GPHN: variants seen among roughly 807,000 people sequenced by gnomAD.
The protein encoded by GPHN is gephyrin.
In GPHN, 17 loss-of-function variants were observed where a neutral mutation model predicts 95.5. That is an observed-to-expected ratio of 0.18 (90% CI 0.12 to 0.27). The LOEUF is 0.27. Among genes scored for constraint, GPHN ranks in the 10% least tolerant of loss-of-function variants. The probability of loss-of-function intolerance (pLI) is 1.00; values close to 1 mark genes in which losing one functional copy is unlikely to be tolerated. For missense variants in GPHN, 660 were observed against 978.1 expected (o/e 0.67, Z 4.34); for synonymous variants, 320 against 322.5 (o/e 0.99, Z 0.08).
the GPHN span, chr14:67,600,305 A>C: frequency 9.9e-7 from 1 of 1,011,914 alleles, no homozygotes; most frequent in Non-Finnish European, 1.4e-6. Context: ...CCGCGTCACC[A>C]CGCCCCGCCC....
At chr14:67,021,967 T>TC (rs530653750) in intron 9 of GPHN, among the ~76,000 whole-genome samples, 1 of 152,108 alleles carries the variant, frequency 6.6e-6, no homozygotes, top group Non-Finnish European at 1.5e-5. Context: ...TTTTAACATT[T>TC]CCCCCTTTCT....
At chr14:67,143,573 G>A (rs1286109084) in intron 18 of GPHN, 124 bp downstream of exon 18, 2 of 756,264 alleles carry the variant, frequency 2.6e-6, no homozygotes, top group Admixed American at 1.8e-5. Context: ...AAATCCATGG[G>A]GCTTCAGAAA....
chr14:67,438,930 AC>A, the GPHN span, among the ~76,000 whole-genome samples: 1 of 151,764 alleles, frequency 6.6e-6, no homozygotes, highest in African/African-American at 2.4e-5. Flanking sequence ...GTCAAGATAC[AC>A]GGCAGCTAGT....
At chr14:66,911,821 C>G (rs189573069) in intron 5 of GPHN, among the ~76,000 whole-genome samples, 6 of 151,914 alleles carry the variant, frequency 3.9e-5, no homozygotes, top group Middle Eastern at 3.4e-3. Flanking sequence ...ATTAAACTTT[C>G]AAAAAAATTG....
chr14:67,307,246 T>G, the GPHN span, among the ~76,000 whole-genome samples: 1 of 151,806 alleles, frequency 6.6e-6, no homozygotes, highest in African/African-American at 2.4e-5. Flanking sequence ...CTCGGCCTTT[T>G]TAAAAAAAGG....
At chr14:67,427,543 C>A in the GPHN span, among the ~76,000 whole-genome samples, 1 of 152,144 alleles carries the variant, frequency 6.6e-6, no homozygotes, top group South Asian at 2.1e-4. Flanking sequence ...AACCCCAGGT[C>A]GGCGGCCCAG....
At chr14:67,325,979 C>CTTTTTTTTTT in the GPHN span, among the ~76,000 whole-genome samples, 538 of 110,112 alleles carry the variant, frequency 4.9e-3, no homozygotes, top group East Asian at 8.6e-3. Flanking sequence ...CGGCTCTTTT[C>CTTTTTTTTTT]TTTTTTTTTT....
the GPHN span, chr14:67,338,677 A>G: frequency 7.4e-6 from 12 of 1,614,096 alleles, no homozygotes; most frequent in East Asian, 2.2e-5. Flanking sequence ...GCAGGCTCCA[A>G]CACCTCTCCA....
chr14:67,151,630 CTTTG>C (rs1218041713), intron 18 of GPHN, among the ~76,000 whole-genome samples: 3 of 152,008 alleles, frequency 2.0e-5, no homozygotes, highest in Admixed American at 1.3e-4. Context: ...AAGATGTACC[CTTTG>C]TTTGTTTGTT....
intron 2 of GPHN, among the ~76,000 whole-genome samples, chr14:66,743,287 T>C (rs2072957197): frequency 6.6e-6 from 1 of 152,136 alleles, no homozygotes; most frequent in South Asian, 2.1e-4. Context: ...AAACATTGTG[T>C]TCTAGTCTTT....
intron 4 of GPHN, among the ~76,000 whole-genome samples, chr14:66,833,326 A>G (rs921676002): frequency 4.6e-5 from 7 of 152,178 alleles, no homozygotes; most frequent in African/African-American, 1.7e-4. Context: ...AGAACTCACT[A>G]TCATGAGAAC....
the GPHN span, chr14:67,392,991 T>A: frequency 1.2e-6 from 1 of 869,164 alleles, no homozygotes; most frequent in African/African-American, 1.7e-5. Context: ...ACCTGCTGCA[T>A]AGAGCCGTGG....
chr14:66,750,382 C>G (rs920569422), intron 2 of GPHN, among the ~76,000 whole-genome samples: 3 of 151,840 alleles, frequency 2.0e-5, no homozygotes, highest in Admixed American at 1.3e-4. Context: ...TATCACTACT[C>G]TCATACTAAA....
At chr14:67,046,367 A>G (rs2075018569) in intron 10 of GPHN, among the ~76,000 whole-genome samples, 1 of 152,214 alleles carries the variant, frequency 6.6e-6, no homozygotes, top group African/African-American at 2.4e-5. Context: ...AGGCAGAAAC[A>G]GCATCATATG....
At chr14:66,604,396 A>T (rs1389820041) in intron 1 of GPHN, among the ~76,000 whole-genome samples, 2 of 152,164 alleles carry the variant, frequency 1.3e-5, no homozygotes, top group Non-Finnish European at 2.9e-5. Context: ...ATTTGTATGC[A>T]TATGTATGTG....
the GPHN span, chr14:67,676,850 AAAC>A: frequency 6.6e-6 from 1 of 152,252 alleles, no homozygotes; most frequent in Admixed American, 6.5e-5. Context: ...TGGTAAATGA[AAAC>A]AAAAAATAAT....
chr14:67,254,033 C>A, the GPHN span, among the ~76,000 whole-genome samples: 8 of 142,986 alleles, frequency 5.6e-5, no homozygotes, highest in South Asian at 4.7e-4. Flanking sequence ...CATCCCCCCC[C>A]CCTTACAAGT....
At chr14:67,141,775 G>T (rs1219249656) in intron 17 of GPHN, among the ~76,000 whole-genome samples, 1 of 152,126 alleles carries the variant, frequency 6.6e-6, no homozygotes, top group Non-Finnish European at 1.5e-5. Context: ...CTCAAGTTCT[G>T]CCTACCTCTG....
the GPHN span, among the ~76,000 whole-genome samples, chr14:67,529,225 C>T: frequency 1.1e-4 from 16 of 152,126 alleles, no homozygotes; most frequent in Admixed American, 1.0e-3. Context: ...CCTCCCCATC[C>T]GCTGCCTGGC....
Sources: gnomAD v4.1 joint callset for allele counts (sites outside exome capture counted in the v4.1 genomes callset) on GRCh38, gnomAD v4.1.1 for gene constraint, MANE v1.5 for transcripts, NCBI Gene and HGNC (gene_info 2026-07-23, HGNC 2026-07-21) for gene names.